The following BMERB1 variants were observed in gnomAD, a reference collection of about 807,000 sequenced individuals.
BMERB1 encodes bMERB domain-containing protein 1.
In BMERB1, 12 loss-of-function variants were observed where a neutral mutation model predicts 23.6. The ratio of observed to expected loss-of-function variants is 0.51; its 90% CI spans 0.33 to 0.82. BMERB1 has a LOEUF of 0.82. Ranked by LOEUF, BMERB1 falls within the 40% of genes least tolerant of loss-of-function variation. The probability of loss-of-function intolerance (pLI) is 0.03; values close to 1 mark genes in which losing one functional copy is unlikely to be tolerated. For synonymous variants in BMERB1, 122 were observed against 96.6 expected, an observed-to-expected ratio of 1.26 and a Z score of -1.54; for missense variants, 247 against 255.4, an observed-to-expected ratio of 0.97 and a Z score of 0.22.
chr16:15,463,431 T>C (rs897754293), intron 1 of BMERB1, among the ~76,000 whole-genome samples: 10 of 152,110 alleles, frequency 6.6e-5, no homozygotes, highest in Non-Finnish European at 1.3e-4. Context: ...ACCACTGTTA[T>C]CACAGAAGTG....
chr16:15,467,242 A>G (rs527974454), intron 1 of BMERB1, among the ~76,000 whole-genome samples: 8 of 152,328 alleles, frequency 5.3e-5, no homozygotes, highest in African/African-American at 1.7e-4. Flanking sequence ...TCAAATGCAT[A>G]TTTAGCCTTA....
chr16:15,464,817 A>G (rs753114289), intron 1 of BMERB1, among the ~76,000 whole-genome samples: 22 of 152,040 alleles, frequency 1.4e-4, no homozygotes, highest in Non-Finnish European at 2.8e-4. Context: ...CAGCTTCTTT[A>G]TTGCACCCTG....
At chr16:15,541,533 C>T (rs767826843) in intron 2 of BMERB1, among the ~76,000 whole-genome samples, 1 of 147,316 alleles carries the variant, frequency 6.8e-6, no homozygotes. Context: ...GAGTGAGCCT[C>T]CTGCTTCAGC....
intron 2 of BMERB1, among the ~76,000 whole-genome samples, chr16:15,562,255 A>G (rs1253617825): frequency 6.6e-6 from 1 of 150,880 alleles, no homozygotes; most frequent in Non-Finnish European, 1.5e-5. Context: ...ATGAGCCAAG[A>G]TCGCGCCATT....
intron 2 of BMERB1, among the ~76,000 whole-genome samples, chr16:15,530,903 C>CTTTTTTTTTTTTT (rs1220558728): frequency 2.7e-5 from 3 of 109,250 alleles, no homozygotes; most frequent in Non-Finnish European, 3.6e-5. Flanking sequence ...TTTCTTCTTT[C>CTTTTTTTTTTTTT]TTTTTTTTTT....
chr16:15,576,923 A>G (rs538316309), intron 3 of BMERB1, among the ~76,000 whole-genome samples: 1 of 152,296 alleles, frequency 6.6e-6, no homozygotes, highest in South Asian at 2.1e-4. Flanking sequence ...AAGTCCCTGA[A>G]TGGGAATTCC....
chr16:15,510,149 C>T (rs183824626), intron 1 of BMERB1, among the ~76,000 whole-genome samples: 7 of 152,266 alleles, frequency 4.6e-5, no homozygotes, highest in East Asian at 1.9e-4. Context: ...CCTTGGTTTC[C>T]GACTTCTGGC....
At position 15,439,605 on chromosome 16, in the gene BMERB1, C is replaced by T. The variant is rs368493906; in HGVS notation, c.106+4846C>T. Among the ~76,000 whole-genome samples the T allele has an allele frequency of 2.6e-4, 39 of 152,300 alleles. No homozygotes were observed. The South Asian group carries it at 8.1e-3, about 32-fold the overall frequency. The stretch of plus-strand genomic sequence containing the variant: ...AGGCTTCTGCACCCTTACAAACCAT[C>T]TAGTATTTTCTCCTTTGAGAAAGGT... On this transcript the variant is annotated intron_variant, in intron 1 of 5. Transcript: ENST00000300006.
intron 1 of BMERB1, among the ~76,000 whole-genome samples, chr16:15,457,865 T>G (rs2051098458): frequency 6.6e-6 from 1 of 152,180 alleles, no homozygotes; most frequent in Non-Finnish European, 1.5e-5. Flanking sequence ...TGGGGAGGCC[T>G]CAGGAAACTA....
At chr16:15,518,758 C>T (rs2051809309) in intron 2 of BMERB1, among the ~76,000 whole-genome samples, 1 of 149,916 alleles carries the variant, frequency 6.7e-6, no homozygotes, top group African/African-American at 2.5e-5. Context: ...CAGTCTGACT[C>T]CAGAATGTTT....
At chr16:15,469,208 C>T (rs1329042532) in intron 1 of BMERB1, among the ~76,000 whole-genome samples, 1 of 152,112 alleles carries the variant, frequency 6.6e-6, no homozygotes, top group Non-Finnish European at 1.5e-5. Flanking sequence ...TCAAGCAATC[C>T]TCCCACCTCA....
intron 5 of BMERB1, chr16:15,584,023 GA>G: frequency 1.4e-6 from 1 of 702,366 alleles, no homozygotes; most frequent in Non-Finnish European, 2.6e-6. Flanking sequence ...AATCTCTGGA[GA>G]AGCCAGAAGC....
chr16:15,451,755 T>G (rs1338351707), intron 1 of BMERB1, among the ~76,000 whole-genome samples: 4 of 143,682 alleles, frequency 2.8e-5, no homozygotes, highest in East Asian at 2.0e-4. Flanking sequence ...TTTTTTTTTT[T>G]TGTAGAGACA....
chr16:15,452,108 C>G (rs1003881547), intron 1 of BMERB1, among the ~76,000 whole-genome samples: 14 of 151,480 alleles, frequency 9.2e-5, no homozygotes, highest in African/African-American at 2.7e-4. Flanking sequence ...AGGGAGATCC[C>G]ATCTCTACAA....
intron 1 of BMERB1, among the ~76,000 whole-genome samples, chr16:15,474,229 C>G (rs1231591393): frequency 6.8e-6 from 1 of 146,730 alleles, no homozygotes; most frequent in Non-Finnish European, 1.5e-5. Flanking sequence ...TTAGTTTTAT[C>G]TTATTTGGGA....
chr16:15,512,565 C>T (rs1373232893), intron 1 of BMERB1, among the ~76,000 whole-genome samples: 2 of 151,752 alleles, frequency 1.3e-5, no homozygotes, highest in Admixed American at 6.6e-5. Flanking sequence ...GGCCACATAG[C>T]GAGACCTCAT....
At chr16:15,550,988 C>T (rs8059801) in intron 2 of BMERB1, among the ~76,000 whole-genome samples, 18,811 of 152,008 alleles carry the variant, frequency 0.12, 1,303 homozygotes, top group Middle Eastern at 0.23. Flanking sequence ...GGGGAGAGGA[C>T]GCCACACAGT....
intron 1 of BMERB1, among the ~76,000 whole-genome samples, chr16:15,437,177 T>A (rs1042439735): frequency 2.6e-5 from 4 of 152,052 alleles, no homozygotes; most frequent in African/African-American, 4.8e-5. Flanking sequence ...ATTTTATAAT[T>A]ATGTGGCAGC....
At chr16:15,472,283 T>C (rs758135417) in intron 1 of BMERB1, among the ~76,000 whole-genome samples, 67 of 152,252 alleles carry the variant, frequency 4.4e-4, no homozygotes, top group East Asian at 7.7e-4. Context: ...TTGAATGTTA[T>C]GCAGTTATTC....
Sources: gnomAD v4.1 joint callset for allele counts (sites outside exome capture counted in the v4.1 genomes callset) on GRCh38, gnomAD v4.1.1 for gene constraint, MANE v1.5 for transcripts, NCBI Gene and HGNC (gene_info 2026-07-23, HGNC 2026-07-21) for gene names.